The following NTM variants were observed in gnomAD, a reference collection of about 807,000 sequenced individuals.
The protein encoded by NTM is neurotrimin.
Under a neutral mutation model 42.1 loss-of-function variants are expected in NTM, and 13 were observed. The ratio of observed to expected loss-of-function variants is 0.31; its 90% CI spans 0.20 to 0.49. The LOEUF is 0.49. NTM is among the 20% of genes least tolerant of loss of function. NTM has a pLI of 0.99. For missense variants in NTM, 373 were observed against 452.8 expected, an observed-to-expected ratio of 0.82 and a Z score of 1.60; for synonymous variants, 187 against 179.2, an observed-to-expected ratio of 1.04 and a Z score of -0.35.
At chr11:131,701,364 A>G (rs779245074) in intron 1 of NTM, among the ~76,000 whole-genome samples, 1 of 152,210 alleles carries the variant, frequency 6.6e-6, no homozygotes, top group Non-Finnish European at 1.5e-5. Flanking sequence ...CTATGAGGAC[A>G]GTATATGTTA....
intron 1 of NTM, among the ~76,000 whole-genome samples, chr11:131,616,380 C>T (rs934901520): frequency 1.3e-5 from 2 of 152,106 alleles, no homozygotes; most frequent in East Asian, 1.9e-4. Context: ...GAAATGACCG[C>T]GGACGGAGGC....
intron 3 of NTM, among the ~76,000 whole-genome samples, chr11:132,164,185 C>T (rs529324900): frequency 2.6e-5 from 4 of 152,218 alleles, no homozygotes; most frequent in Admixed American, 6.5e-5. Flanking sequence ...TTGGAAAAAT[C>T]GCTGTGTAAT....
Position 132,336,446 on chromosome 11 carries a change from G to C in NTM, c.*1300G>C, listed in dbSNP as rs894446850. ...AGCATCTTTCCAGGTGTGGCTCTGC[G>C]CTAGGCCACCCCAGGTGGCCCCGCT... On this transcript the variant is annotated 3_prime_UTR_variant, in exon 9 of 9. Coordinates refer to ENST00000683400, the MANE Select transcript of NTM (RefSeq NM_001352005.2). 1 of 151,544 alleles carries C rather than the reference G, an allele frequency of 6.6e-6. No individual in the cohort carries two copies. The highest frequency in any genetic ancestry group is 1.5e-5 in the Non-Finnish European group (1 of 67,932). 9.4% of individuals were successfully genotyped at this position (151,544 alleles called of 1,614,324 possible). A position where few individuals can be genotyped will look rare whatever the true frequency, so the allele number is the denominator to read the frequency against.
chr11:131,498,348 A>G (rs1270898315), intron 1 of NTM, among the ~76,000 whole-genome samples: 1 of 152,188 alleles, frequency 6.6e-6, no homozygotes, highest in Non-Finnish European at 1.5e-5. Context: ...GAAGAAGAAT[A>G]CACACTTGGC....
chr11:131,834,556 T>G (rs969993126), intron 1 of NTM, among the ~76,000 whole-genome samples: 1 of 150,106 alleles, frequency 6.7e-6, no homozygotes, highest in African/African-American at 2.4e-5. Flanking sequence ...CCCAATGCCA[T>G]CATAATAATC....
intron 2 of NTM, among the ~76,000 whole-genome samples, chr11:131,999,123 C>T (rs755504027): frequency 1.3e-5 from 2 of 152,082 alleles, no homozygotes; most frequent in Non-Finnish European, 2.9e-5. Flanking sequence ...TGTGCTCTTC[C>T]TTCGCAGGTG....
chr11:132,171,778 T>C (rs979433168), intron 3 of NTM, among the ~76,000 whole-genome samples: 1 of 152,222 alleles, frequency 6.6e-6, no homozygotes, highest in East Asian at 1.9e-4. Flanking sequence ...ATTTATTGGA[T>C]AGATAGATCA....
intron 2 of NTM, among the ~76,000 whole-genome samples, chr11:131,916,301 A>G (rs561562176): frequency 6.6e-6 from 1 of 152,336 alleles, no homozygotes; most frequent in South Asian, 2.1e-4. Context: ...GTCACTTGGC[A>G]GTTTCAATGA....
intron 1 of NTM, among the ~76,000 whole-genome samples, chr11:131,561,778 C>T (rs79139254): frequency 5.3e-5 from 8 of 152,294 alleles, no homozygotes; most frequent in African/African-American, 1.2e-4. Flanking sequence ...CTCATTCCTT[C>T]GGCCTTCATC....
At chr11:132,163,076 T>G (rs1345095322) in intron 3 of NTM, among the ~76,000 whole-genome samples, 2 of 152,198 alleles carry the variant, frequency 1.3e-5, no homozygotes, top group Non-Finnish European at 2.9e-5. Context: ...ACCAGCCACC[T>G]GGAGCCCAGT....
intron 1 of NTM, among the ~76,000 whole-genome samples, chr11:131,445,021 A>T (rs1003717603): frequency 6.6e-6 from 1 of 152,248 alleles, no homozygotes; most frequent in African/African-American, 2.4e-5. Flanking sequence ...AGCAACCTGA[A>T]GTCATAGTAT....
chr11:132,330,849 T>C (rs1043471191), intron 8 of NTM, among the ~76,000 whole-genome samples: 21 of 152,280 alleles, frequency 1.4e-4, no homozygotes, highest in Admixed American at 9.8e-4. Context: ...GAATGAAGAA[T>C]GGAGGCCTCA....
intron 5 of NTM, among the ~76,000 whole-genome samples, chr11:132,308,388 A>G (rs1364077243): frequency 6.6e-6 from 1 of 152,222 alleles, no homozygotes; most frequent in Non-Finnish European, 1.5e-5. Context: ...GAGATACAGA[A>G]TCCAAAAAGT....
intron 4 of NTM, among the ~76,000 whole-genome samples, chr11:132,239,634 G>A (rs1244059825): frequency 6.6e-6 from 1 of 152,188 alleles, no homozygotes; most frequent in Non-Finnish European, 1.5e-5. Context: ...AATTGGGAAT[G>A]TCTTTTACTG....
chr11:131,475,427 A>T (rs1007076925), intron 1 of NTM, among the ~76,000 whole-genome samples: 1 of 152,110 alleles, frequency 6.6e-6, no homozygotes, highest in Non-Finnish European at 1.5e-5. Context: ...GGGGGCCATG[A>T]CAGGTACAGA....
chr11:131,515,370 G>A (rs1255733144), intron 1 of NTM, among the ~76,000 whole-genome samples: 5 of 152,132 alleles, frequency 3.3e-5, no homozygotes, highest in African/African-American at 7.2e-5. Context: ...GAATGTTCTC[G>A]GAGCCCAGTC....
chr11:131,860,020 C>A (rs11824928), intron 1 of NTM, among the ~76,000 whole-genome samples: 16 of 152,128 alleles, frequency 1.1e-4, no homozygotes, highest in African/African-American at 3.9e-4. Context: ...ACTCTGATAT[C>A]TATTAGAGTC....
At chr11:132,278,240 CCA>C (rs2093811460) in intron 4 of NTM, among the ~76,000 whole-genome samples, 1 of 152,212 alleles carries the variant, frequency 6.6e-6, no homozygotes. Context: ...GCTGTGTAAA[CCA>C]ATCATTGTAT....
At chr11:131,627,413 C>T (rs905697166) in intron 1 of NTM, among the ~76,000 whole-genome samples, 17 of 152,004 alleles carry the variant, frequency 1.1e-4, no homozygotes, top group East Asian at 7.7e-4. Context: ...TAAAGGCAAA[C>T]GTAATAAAGA....
Sources: allele counts gnomAD v4.1 joint callset (sites outside exome capture counted in the v4.1 genomes callset), GRCh38; gene constraint gnomAD v4.1.1; transcripts MANE v1.5; gene names NCBI Gene and HGNC (gene_info 2026-07-23, HGNC 2026-07-21).